The following TTPA variants were observed in gnomAD, a reference collection of about 807,000 sequenced individuals.
The protein encoded by TTPA is alpha tocopherol transfer protein.
In TTPA, 23 loss-of-function variants were observed where a neutral mutation model predicts 25.9. The observed-to-expected ratio is 0.89, with a 90% confidence interval of 0.64 to 1.26. The LOEUF is 1.26. Ranked by LOEUF, TTPA falls within the 50% of genes most tolerant of loss-of-function variation. The pLI is 0.00. For missense variants in TTPA, 337 were observed against 353.1 expected (o/e 0.95, Z 0.37); for synonymous variants, 148 against 137.3 (o/e 1.08, Z -0.54).
chr8:63,084,177 C>A (rs773697264), intron 1 of TTPA, among the ~76,000 whole-genome samples: 33 of 152,202 alleles, frequency 2.2e-4, no homozygotes, highest in Admixed American at 5.2e-4. Context: ...TGAGCTACTG[C>A]GACCTTTGGA....
At chr8:63,062,436 A>G (rs975704667) in intron 4 of TTPA, among the ~76,000 whole-genome samples, 1 of 152,202 alleles carries the variant, frequency 6.6e-6, no homozygotes, top group African/African-American at 2.4e-5. Context: ...AGCATCTATT[A>G]TGTGCTGGGA....
At chr8:63,070,365 AC>A (rs1277726624) in intron 2 of TTPA, among the ~76,000 whole-genome samples, 1 of 152,220 alleles carries the variant, frequency 6.6e-6, no homozygotes, top group African/African-American at 2.4e-5. Flanking sequence ...CTTTTACTGC[AC>A]AGAGATGGTA....
intron 3 of TTPA, among the ~76,000 whole-genome samples, chr8:63,064,800 G>A (rs1805362822): frequency 6.6e-6 from 1 of 152,124 alleles, no homozygotes; most frequent in Admixed American, 6.6e-5. Flanking sequence ...GTTAAGAGTT[G>A]AAGGAAAAAG....
intron 1 of TTPA, among the ~76,000 whole-genome samples, chr8:63,075,647 C>T (rs914314049): frequency 1.4e-5 from 2 of 144,654 alleles, no homozygotes; most frequent in African/African-American, 5.2e-5. Context: ...TGCAGTGAGC[C>T]GAGATTGCGC....
chr8:63,063,329 T>C (rs961003098), intron 4 of TTPA, among the ~76,000 whole-genome samples: 5 of 152,080 alleles, frequency 3.3e-5, no homozygotes, highest in African/African-American at 9.7e-5. Context: ...GTCTAAGATA[T>C]ATGAGATGCT....
At chr8:63,074,248 G>A (rs1805527606) in intron 1 of TTPA, among the ~76,000 whole-genome samples, 2 of 152,156 alleles carry the variant, frequency 1.3e-5, no homozygotes, top group South Asian at 4.1e-4. Flanking sequence ...CTTGGGAAAT[G>A]TTAATGGCTG....
intron 4 of TTPA, among the ~76,000 whole-genome samples, chr8:63,061,951 C>T (rs778128548): frequency 2.4e-4 from 36 of 152,024 alleles, no homozygotes; most frequent in Admixed American, 5.9e-4. Flanking sequence ...GCCTGTAATC[C>T]CAACACTTTG....
intron 1 of TTPA, among the ~76,000 whole-genome samples, chr8:63,083,330 C>T (rs1012353140): frequency 1.3e-5 from 2 of 152,288 alleles, no homozygotes; most frequent in Non-Finnish European, 1.5e-5. Context: ...AGTTCATGTC[C>T]TTTGCAGGGA....
chr8:63,064,064 G>T, intron 4 of TTPA, 142 bp downstream of exon 4: 3 of 611,322 alleles, frequency 4.9e-6, no homozygotes, highest in African/African-American at 3.8e-5. Context: ...TTTTTTAGTT[G>T]GCTTGTTAGA....
chr8:63,059,314 G>C (rs1805261978), downstream of TTPA, among the ~76,000 whole-genome samples: 1 of 151,570 alleles, frequency 6.6e-6, no homozygotes, highest in Admixed American at 6.6e-5. Flanking sequence ...TTACAGGCGT[G>C]AGCCACCGCG....
intron 1 of TTPA, among the ~76,000 whole-genome samples, chr8:63,078,485 G>T (rs7842097): frequency 0.017 from 2,595 of 152,274 alleles, 79 homozygotes; most frequent in African/African-American, 0.059. Flanking sequence ...GTGTAGAGAA[G>T]ACCTTAAATG....
At chr8:63,073,982 T>C (rs2129765317) in intron 1 of TTPA, among the ~76,000 whole-genome samples, 1 of 152,204 alleles carries the variant, frequency 6.6e-6, no homozygotes. Context: ...CTAAAGCAAA[T>C]TATGTATTTA....
chr8:63,065,681 G>GT (rs1268101217), intron 3 of TTPA, among the ~76,000 whole-genome samples: 1 of 151,944 alleles, frequency 6.6e-6, no homozygotes, highest in African/African-American at 2.4e-5. Flanking sequence ...AAATCCTCTC[G>GT]TTACTAATTT....
intron 1 of TTPA, among the ~76,000 whole-genome samples, chr8:63,075,631 G>A (rs531606266): frequency 6.8e-5 from 10 of 148,126 alleles, no homozygotes; most frequent in African/African-American, 2.2e-4. Context: ...CCTGGGAGGC[G>A]AAGGTTGCAG....
intron 1 of TTPA, among the ~76,000 whole-genome samples, chr8:63,073,986 G>T (rs1286022270): frequency 6.6e-6 from 1 of 151,966 alleles, no homozygotes; most frequent in Non-Finnish European, 1.5e-5. Flanking sequence ...AGCAAATTAT[G>T]TATTTAAAAA....
At chr8:63,078,717 G>A (rs1161840708) in intron 1 of TTPA, among the ~76,000 whole-genome samples, 1 of 152,216 alleles carries the variant, frequency 6.6e-6, no homozygotes, top group East Asian at 1.9e-4. Context: ...TTTGATAGGT[G>A]TACCTGAAAG....
At chr8:63,072,569 C>T (rs1805499314) in intron 2 of TTPA, among the ~76,000 whole-genome samples, 1 of 152,174 alleles carries the variant, frequency 6.6e-6, no homozygotes, top group South Asian at 2.1e-4. Context: ...TCCTACTAAG[C>T]ATTTTTGAAA....
downstream of TTPA, among the ~76,000 whole-genome samples, chr8:63,059,240 GCC>G (rs1431413798): frequency 6.6e-6 from 1 of 150,852 alleles, no homozygotes; most frequent in Non-Finnish European, 1.5e-5. Context: ...CACCGTTTTA[GCC>G]GGGATGGTCT....
At position 63,072,380 on chromosome 8, in the gene TTPA, G is replaced by A. The variant is rs533731153; in HGVS notation, c.358+555C>T. The stretch of plus-strand genomic sequence containing the variant: ...CAGGTTCATGCAATCCTCCTGCCTC[G>A]GCCTCCCGAGTAGCTGGGATTACAG... On this transcript the variant is annotated intron_variant, in intron 2 of 4. Coordinates refer to ENST00000260116, the MANE Select transcript of TTPA (RefSeq NM_000370.3). 7.2e-5 allele frequency among the ~76,000 whole-genome samples: 11 copies of A among 152,036 alleles called. No individual in the cohort carries two copies. The South Asian group carries it at 1.0e-3, about 14-fold the overall frequency.
Sources: gnomAD v4.1 joint callset for allele counts (sites outside exome capture counted in the v4.1 genomes callset) on GRCh38, gnomAD v4.1.1 for gene constraint, MANE v1.5 for transcripts, NCBI Gene and HGNC (gene_info 2026-07-23, HGNC 2026-07-21) for gene names.